The following ZSWIM5 variants were observed in gnomAD, a reference collection of about 807,000 sequenced individuals.
ZSWIM5 encodes zinc finger SWIM-type containing 5.
In ZSWIM5, 55 loss-of-function variants were observed where a neutral mutation model predicts 119.6. The ratio of observed to expected loss-of-function variants is 0.46; its 90% CI spans 0.37 to 0.58. ZSWIM5 has a LOEUF of 0.58. Ranked by LOEUF, ZSWIM5 falls within the 20% of genes least tolerant of loss-of-function variation. The pLI, the probability that ZSWIM5 is intolerant of heterozygous loss-of-function variation, is 0.00. For missense variants in ZSWIM5, 1,193 were observed against 1,512.8 expected (o/e 0.79, Z 3.51); for synonymous variants, 537 against 606.9 (o/e 0.88, Z 1.69).
intron 1 of ZSWIM5, among the ~76,000 whole-genome samples, chr1:45,182,659 T>A (rs1040804483): frequency 6.0e-4 from 92 of 152,160 alleles, no homozygotes; most frequent in Non-Finnish European, 1.1e-3. Flanking sequence ...AGAAGTCCAT[T>A]ACATAATGGT....
intron 2 of ZSWIM5, among the ~76,000 whole-genome samples, chr1:45,083,307 G>A (rs1645305610): frequency 6.6e-6 from 1 of 151,924 alleles, no homozygotes; most frequent in Non-Finnish European, 1.5e-5. Context: ...GTTGAGGACA[G>A]TAGCATGATC....
At position 45,034,333 on chromosome 1, in the gene ZSWIM5, T is replaced by C; in HGVS notation, c.2428A>G (p.Thr810Ala). 2 of 1,611,200 alleles carry C rather than the reference T, an allele frequency of 1.2e-6. No homozygotes were observed. The highest frequency in any genetic ancestry group is 1.7e-6 in the Non-Finnish European group (2 of 1,178,724). The change falls in exon 11 of 14, where the codon ACC becomes GCC. Residue 810 changes from threonine (T) to alanine (A), a missense_variant. This residue lies in a region of ZSWIM5 where 961 missense variants were observed against 1,290.0 expected (regional missense o/e 0.74). Transcript: ENST00000359600. ...LESQQCELAS[T>A]MLTAAKGDTL... ...TCACCTTTGGCAGCAGTCAGCATGG[T>C]GGAGGCCAGTTCACACTGCTGTGAT...
At chr1:45,160,619 T>A (rs1645857475) in intron 1 of ZSWIM5, among the ~76,000 whole-genome samples, 1 of 152,026 alleles carries the variant, frequency 6.6e-6, no homozygotes, top group Admixed American at 6.6e-5. Context: ...CATTCATTCT[T>A]ATGGCCGAAT....
In ZSWIM5 at chr1:45,034,373, C is replaced by T. The variant is rs763211083; in HGVS notation, c.2388G>A (p.Thr796=). The change falls in exon 11 of 14, where the codon ACG becomes ACA. Residue 796 remains threonine (T), a synonymous_variant. Transcript: ENST00000359600. ...ACTGCTGTGATTCCAAGTGTCCAAGCGTGAACCAGCGAGGATAACGGCTGG... is the reference window on the plus strand; with the variant it reads ...ACTGCTGTGATTCCAAGTGTCCAAGTGTGAACCAGCGAGGATAACGGCTGG... The part of the protein sequence containing the change: ...VVPSRYPRWF[T]LGHLESQQCE... The T allele has an allele frequency of 3.7e-6, 6 of 1,613,840 alleles. No homozygotes were observed. The highest frequency in any genetic ancestry group is 2.2e-5 in the East Asian group (1 of 44,892).
At chr1:45,070,669 C>G (rs1048119950) in intron 2 of ZSWIM5, among the ~76,000 whole-genome samples, 19 of 152,084 alleles carry the variant, frequency 1.2e-4, no homozygotes, top group Admixed American at 1.2e-3. Context: ...ATTGTCTTTC[C>G]ATGTTTGTTA....
intron 1 of ZSWIM5, among the ~76,000 whole-genome samples, chr1:45,092,295 GGTTT>G (rs1238106690): frequency 4.6e-5 from 7 of 151,844 alleles, no homozygotes; most frequent in Admixed American, 3.9e-4. Flanking sequence ...TTTGTTTGTT[GGTTT>G]GTTTGTTTGT....
chr1:45,162,285 A>G (rs1645868297), intron 1 of ZSWIM5, among the ~76,000 whole-genome samples: 1 of 152,230 alleles, frequency 6.6e-6, no homozygotes, highest in South Asian at 2.1e-4. Context: ...TGAGGTCAGG[A>G]GTTGGAGACC....
Position 45,142,525 on chromosome 1 carries a change from G to A in ZSWIM5, c.596-54288C>T, listed in dbSNP as rs980836211. On this transcript the variant is annotated intron_variant, in intron 1 of 13. Coordinates refer to ENST00000359600, the MANE Select transcript of ZSWIM5 (RefSeq NM_020883.2). ...TGCCACCATGCCTGGCTAATTTTTT[G>A]TATTTTTTGTAGAGATGGAGTTTTG... Among the ~76,000 whole-genome samples, 3 of 151,792 alleles carry A rather than the reference G, an allele frequency of 2.0e-5. No homozygotes were observed. In the East Asian group the frequency reaches 5.8e-4, roughly 30 times the overall value.
intron 3 of ZSWIM5, among the ~76,000 whole-genome samples, chr1:45,059,735 G>C (rs1557752003): frequency 6.6e-6 from 1 of 152,222 alleles, no homozygotes; most frequent in Non-Finnish European, 1.5e-5. Context: ...CCTGCTGTGA[G>C]AGCCCCTAGT....
intron 1 of ZSWIM5, among the ~76,000 whole-genome samples, chr1:45,157,119 A>G (rs1645831363): frequency 6.6e-6 from 1 of 152,156 alleles, no homozygotes; most frequent in Non-Finnish European, 1.5e-5. Flanking sequence ...AGAACTTCAT[A>G]CAATGAAATT....
At chr1:45,117,422 C>T (rs1645564699) in intron 1 of ZSWIM5, among the ~76,000 whole-genome samples, 1 of 152,186 alleles carries the variant, frequency 6.6e-6, no homozygotes, top group South Asian at 2.1e-4. Flanking sequence ...CACCTATAAT[C>T]CCAGAACGTT....
chr1:45,039,710 A>ATTAT (rs1368583398), intron 7 of ZSWIM5, among the ~76,000 whole-genome samples: 20 of 150,882 alleles, frequency 1.3e-4, no homozygotes, highest in Admixed American at 2.7e-4. Flanking sequence ...AATTTAATTA[A>ATTAT]TTATTTATTT....
chr1:45,044,785 AT>A, intron 5 of ZSWIM5, among the ~76,000 whole-genome samples: 1 of 3,066 alleles, frequency 3.3e-4, no homozygotes, highest in Non-Finnish European at 6.3e-4. Context: ...AAATATATAT[AT>A]ATAAATATAT....
rs772021157 is a variant in ZSWIM5 at position 45,019,950 on chromosome 1, C to A, written c.2695+116G>T. On this transcript the variant is annotated intron_variant, in intron 13 of 13. Coordinates refer to ENST00000359600, the MANE Select transcript of ZSWIM5 (RefSeq NM_020883.2). The surrounding 1 kb of genome is among the most constrained non-coding windows in gnomAD (Gnocchi z 5.0). ...GCCCCATCCTTTCTTAGGCCATCTC[C>A]TGATGGACCTAAGATCTCATAGGAA... is the stretch of plus-strand genomic sequence containing the variant. 4.4e-6 allele frequency: 4 copies of A among 899,064 alleles called. No individual in the cohort carries two copies. The highest frequency in any genetic ancestry group is 6.9e-6 in the Non-Finnish European group (4 of 577,064). The allele number at this position is 899,064 out of a possible 1,614,324, so 55.7% of individuals were successfully genotyped here.
At chr1:45,070,790 C>T (rs879718437) in intron 2 of ZSWIM5, among the ~76,000 whole-genome samples, 5 of 152,102 alleles carry the variant, frequency 3.3e-5, no homozygotes, top group Non-Finnish European at 5.9e-5. Flanking sequence ...TTTGTTAATT[C>T]CTACATTGGC....
chr1:45,140,221 A>G (rs1467046565), intron 1 of ZSWIM5, among the ~76,000 whole-genome samples: 1 of 152,206 alleles, frequency 6.6e-6, no homozygotes, highest in African/African-American at 2.4e-5. Context: ...CTGACCTGCC[A>G]CCTGTTTCTG....
At chr1:45,085,524 G>GT (rs1387910637) in intron 2 of ZSWIM5, among the ~76,000 whole-genome samples, 11 of 128,958 alleles carry the variant, frequency 8.5e-5, no homozygotes, top group African/African-American at 2.0e-4. Context: ...AGGTTAGTTT[G>GT]TTTGTTTTTT....
chr1:45,087,835 G>T (rs1279012534), intron 2 of ZSWIM5, 46 bp downstream of exon 2: 2 of 1,384,512 alleles, frequency 1.4e-6, no homozygotes, highest in Non-Finnish European at 2.0e-6. Context: ...GGTGACAGTG[G>T]TGATGAAAAA....
chr1:45,137,811 T>C (rs565519986), intron 1 of ZSWIM5, among the ~76,000 whole-genome samples: 1 of 152,274 alleles, frequency 6.6e-6, no homozygotes, highest in South Asian at 2.1e-4. Flanking sequence ...GTATGGAATT[T>C]GGCTTTCACT....
Sources: gnomAD v4.1 joint callset for allele counts (sites outside exome capture counted in the v4.1 genomes callset) on GRCh38, gnomAD v4.1.1 for gene constraint, gnomAD v4.1.1 regional missense constraint, Gnocchi (gnomAD v3.1) non-coding constraint, MANE v1.5 for transcripts, NCBI Gene and HGNC (gene_info 2026-07-23, HGNC 2026-07-21) for gene names.